Variants in EFHD2 observed in about 807,000 individuals in gnomAD.
EFHD2 encodes the protein EF-hand domain-containing protein D2.
In EFHD2, 12 loss-of-function variants were observed where a neutral mutation model predicts 20.3. The observed-to-expected ratio is 0.59, with a 90% CI of 0.38 to 0.96. The LOEUF is 0.96. Among genes scored for constraint, EFHD2 ranks in the 40% least tolerant of loss-of-function variants. The pLI, the probability that EFHD2 is intolerant of heterozygous loss-of-function variation, is 0.00. For missense variants in EFHD2, 250 were observed against 334.3 expected, an observed-to-expected ratio of 0.75 and a Z score of 1.97; for synonymous variants, 131 against 143.9, an observed-to-expected ratio of 0.91 and a Z score of 0.64.
At chr1:15,421,468 C>T (rs1425197015) in intron 1 of EFHD2, among the ~76,000 whole-genome samples, 2 of 152,168 alleles carry the variant, frequency 1.3e-5, no homozygotes, top group Admixed American at 6.5e-5. Flanking sequence ...CGCAGCCAGC[C>T]CCTGTATTGT....
chr1:15,423,720 A>G (rs1707829288), intron 1 of EFHD2, among the ~76,000 whole-genome samples: 1 of 152,190 alleles, frequency 6.6e-6, no homozygotes, highest in Non-Finnish European at 1.5e-5. Flanking sequence ...GAGAAGGCGA[A>G]AGGAGCTGGG....
chr1:15,420,203 GTA>G (rs1346042164), intron 1 of EFHD2, among the ~76,000 whole-genome samples: 9 of 152,308 alleles, frequency 5.9e-5, no homozygotes, highest in African/African-American at 2.2e-4. Flanking sequence ...TATATGTGAA[GTA>G]TATGATGTGC....
intron 1 of EFHD2, among the ~76,000 whole-genome samples, chr1:15,416,334 G>C: frequency 6.6e-6 from 1 of 152,174 alleles, no homozygotes; most frequent in South Asian, 2.1e-4. Context: ...CAGCCCTGCC[G>C]GCAGAGGCAG....
rs1707868335 is a variant in EFHD2, at chr1:15,426,024, C to A, written c.456+6C>A. 3 of 1,568,728 alleles carry A rather than the reference C, an allele frequency of 1.9e-6. No individual in the cohort carries two copies. Among genetic ancestry groups the A allele is most frequent in the South Asian group, 1.2e-5 (1 of 84,908 alleles). On this transcript the variant is annotated splice_donor_region_variant and intron_variant, in intron 2 of 3. Transcript: ENST00000375980. The surrounding 1 kb of genome is among the most constrained non-coding windows in gnomAD (Gnocchi z 4.6). The stretch of plus-strand genomic sequence containing the variant: ...GCAAGCTGAGCTTCCGGGAGGTAAG[C>A]CCGGCCCCCAGCCCCACTCCCCTAC...
Position 15,410,117 on chromosome 1 carries a change from G to A in EFHD2, c.146G>A (p.Gly49Asp), listed in dbSNP as rs776687418. 7.7e-6 allele frequency: 12 copies of A among 1,567,408 alleles called. No homozygotes were observed. The South Asian group carries it at 1.4e-4, about 18-fold the overall frequency. The change falls in exon 1 of 4, where the codon GGC (glycine) becomes GAC (aspartate). Residue 49 changes from glycine to aspartate, a missense_variant. Physicochemically the swap from Gly to Asp is moderately conservative, Grantham distance 94 (BLOSUM62 -1). Coordinates refer to ENST00000375980, the MANE Select transcript of EFHD2 (RefSeq NM_024329.6). ...CCCGACGAGGCGGCCGAGGCGCTGG[G>A]CAGCGCGGACTGCGAGCTGAGCGCC... ...GAPDEAAEAL[G>D]SADCELSAKL...
At chr1:15,422,408 C>T (rs377407228) in intron 1 of EFHD2, among the ~76,000 whole-genome samples, 2 of 151,926 alleles carry the variant, frequency 1.3e-5, no homozygotes, top group Non-Finnish European at 1.5e-5. Context: ...TCATTCTTTG[C>T]GGTGGGGCCA....
chr1:15,425,036 G>A (rs1257125377), intron 1 of EFHD2, among the ~76,000 whole-genome samples: 5 of 152,116 alleles, frequency 3.3e-5, no homozygotes, highest in South Asian at 2.1e-4. Flanking sequence ...CAGCCCCTAC[G>A]GCAAGGATTT....
At position 15,411,274 on chromosome 1, in the gene EFHD2, ACTTG is replaced by A. The variant is rs546492891; in HGVS notation, c.308+997_308+1000del. Among the ~76,000 whole-genome samples, 4 of 148,984 alleles carry A rather than the reference ACTTG, an allele frequency of 2.7e-5. No homozygotes were observed. The South Asian group carries it at 8.6e-4, about 32-fold the overall frequency. On this transcript the variant is annotated intron_variant, in intron 1 of 3. Coordinates refer to ENST00000375980, the MANE Select transcript of EFHD2 (RefSeq NM_024329.6). ...GTCAAAAGGGGCCCCTTCCTATGTGACTTGCCCTGTTACCCCCACCCCTACCCTT... is the reference window on the plus strand; with the variant it reads ...GTCAAAAGGGGCCCCTTCCTATGTGACCCTGTTACCCCCACCCCTACCCTT...
In EFHD2 at chr1:15,428,790, C is replaced by A; in HGVS notation, c.*66C>A. 1 of 1,544,790 alleles carries A rather than the reference C, an allele frequency of 6.5e-7. No individual in the cohort carries two copies. The highest frequency in any genetic ancestry group is 1.4e-5 in the African/African-American group (1 of 72,950). On this transcript the variant is annotated 3_prime_UTR_variant, in exon 4 of 4. Transcript: ENST00000375980. ...GTGGGCGAGGGTGGCGCATGGGAGG[C>A]CGAGCCTGAATCCTTGCCTGTGTCT...
intron 1 of EFHD2, among the ~76,000 whole-genome samples, chr1:15,423,226 C>T (rs1260965601): frequency 3.9e-5 from 6 of 152,230 alleles, no homozygotes; most frequent in Non-Finnish European, 8.8e-5. Flanking sequence ...GAGTCCCACA[C>T]CTTCTACTGT....
intron 1 of EFHD2, among the ~76,000 whole-genome samples, chr1:15,417,569 C>G (rs911615183): frequency 2.6e-5 from 4 of 152,210 alleles, no homozygotes; most frequent in Non-Finnish European, 5.9e-5. Flanking sequence ...CCGTCTCTCT[C>G]TCTCTCTCTT....
At chr1:15,425,633 C>A (rs1349041574) in intron 1 of EFHD2, among the ~76,000 whole-genome samples, 1 of 152,096 alleles carries the variant, frequency 6.6e-6, no homozygotes, top group East Asian at 1.9e-4. Flanking sequence ...CAAAAGTTAG[C>A]GCTATTCGAC....
chr1:15,413,165 AAGCCAGGGCATCAG>A lies in EFHD2; in HGVS notation c.308+2896_308+2909del, dbSNP rs1707574114. On this transcript the variant is annotated intron_variant, in intron 1 of 3. Transcript: ENST00000375980. This position sits in a 1 kb window ranked among gnomAD's most constrained non-coding sequence, Gnocchi z 4.4. ...GGGTCCAAGCAGGGTCCTAGGATCA[AAGCCAGGGCATCAG>A]AGCCAGGGCTCTGGGGAGAGCAGAG... Among the ~76,000 whole-genome samples, 2 of 152,168 alleles carry A rather than the reference AAGCCAGGGCATCAG, an allele frequency of 1.3e-5. No individual in the cohort carries two copies. The highest frequency in any genetic ancestry group is 4.1e-4 in the South Asian group (2 of 4,828).
chr1:15,427,234 G>A lies in EFHD2; in HGVS notation c.541G>A (p.Asp181Asn), dbSNP rs768349484. 9.9e-6 allele frequency: 16 copies of A among 1,608,966 alleles called. No individual in the cohort carries two copies. Among genetic ancestry groups the A allele is most frequent in the South Asian group, 3.3e-5 (3 of 89,696 alleles). Residue 181 changes from aspartate (D) to asparagine (N), a missense_variant, in exon 3 of 4, where the codon GAC (aspartate) becomes AAC (asparagine). By Grantham distance (23) the Asp-to-Asn change is conservative (BLOSUM62 1). Coordinates refer to ENST00000375980, the MANE Select transcript of EFHD2 (RefSeq NM_024329.6). ...LCVLARLSEIDVSSEGVKGAK... is the reference protein window; with the variant it reads ...LCVLARLSEINVSSEGVKGAK... ...CGTGCTGGCCCGCCTCTCTGAGATC[G>A]ACGTCTCCAGTGAGGGTGTCAAGGG...
intron 1 of EFHD2, among the ~76,000 whole-genome samples, chr1:15,423,527 G>C (rs1707827124): frequency 6.6e-6 from 1 of 152,226 alleles, no homozygotes. Flanking sequence ...GAGCCCAGCA[G>C]ATCAAGTCTG....
intron 1 of EFHD2, among the ~76,000 whole-genome samples, chr1:15,421,068 C>G (rs1203579798): frequency 6.6e-6 from 1 of 152,100 alleles, no homozygotes; most frequent in Non-Finnish European, 1.5e-5. Context: ...CTGCTTGTAT[C>G]GTCTCTTTTA....
Position 15,413,913 on chromosome 1 carries a change from C to G in EFHD2, c.308+3634C>G. Among the ~76,000 whole-genome samples, 1 of 152,232 alleles carries G rather than the reference C, an allele frequency of 6.6e-6. No homozygotes were observed. Among genetic ancestry groups the G allele is most frequent in the Non-Finnish European group, 1.5e-5 (1 of 68,034 alleles). On this transcript the variant is annotated intron_variant, in intron 1 of 3. Transcript: ENST00000375980. The surrounding 1 kb of genome is among the most constrained non-coding windows in gnomAD (Gnocchi z 4.4). ...GTCTCCGTGCGGCCTCAGGCTACGT[C>G]CAGCATCTCTGATCCCCCAGCTGCT...
At chr1:15,411,475 C>G (rs887177143) in intron 1 of EFHD2, among the ~76,000 whole-genome samples, 1 of 152,202 alleles carries the variant, frequency 6.6e-6, no homozygotes, top group African/African-American at 2.4e-5. Flanking sequence ...TCTGTTGGGT[C>G]TAAGATGCAC....
At position 15,429,115 on chromosome 1, in the gene EFHD2, G is replaced by A. The variant is rs1707923175; in HGVS notation, c.*391G>A. ...CTGTCCCCCCAACCCGGGAACCCCT[G>A]CCCTCCTCCAGCAGGCCGCACCGCC... On this transcript the variant is annotated 3_prime_UTR_variant, in exon 4 of 4. Coordinates refer to ENST00000375980, the MANE Select transcript of EFHD2 (RefSeq NM_024329.6). 1 of 214,702 alleles carries A rather than the reference G, an allele frequency of 4.7e-6. No individual in the cohort carries two copies. Among genetic ancestry groups the A allele is most frequent in the South Asian group, 6.3e-5 (1 of 15,868 alleles). The allele number at this position is 214,702 out of a possible 1,614,324, so 13.3% of individuals were successfully genotyped here.
Sources: gnomAD v4.1 joint callset for allele counts (sites outside exome capture counted in the v4.1 genomes callset) on GRCh38, gnomAD v4.1.1 for gene constraint, Gnocchi (gnomAD v3.1) non-coding constraint, MANE v1.5 for transcripts, NCBI Gene and HGNC (gene_info 2026-07-23, HGNC 2026-07-21) for gene names.